KLF12: variants seen among roughly 807,000 people sequenced by gnomAD.
KLF12 encodes the protein KLF transcription factor 12.
In KLF12, 9 loss-of-function variants were observed where a neutral mutation model predicts 37.8. That is an observed-to-expected ratio of 0.24 (90% CI 0.14 to 0.42). KLF12 has a LOEUF of 0.42. KLF12 is among the 10% of genes least tolerant of loss of function. The pLI is 1.00. For synonymous variants in KLF12, 208 were observed against 202.1 expected, an observed-to-expected ratio of 1.03 and a Z score of -0.25; for missense variants, 411 against 516.0, an observed-to-expected ratio of 0.80 and a Z score of 1.97.
intron 1 of KLF12, among the ~76,000 whole-genome samples, chr13:74,018,680 A>G (rs1437232619): frequency 6.6e-6 from 1 of 152,202 alleles, no homozygotes; most frequent in Non-Finnish European, 1.5e-5. Flanking sequence ...TTTCTGCACA[A>G]TGAATTATTC....
At chr13:74,023,404 T>C (rs997645541) in intron 1 of KLF12, among the ~76,000 whole-genome samples, 2 of 152,226 alleles carry the variant, frequency 1.3e-5, no homozygotes, top group Admixed American at 6.5e-5. Context: ...AAGTAGCACA[T>C]GCCAGGTGGC....
chr13:73,923,019 A>T (rs1889192912), intron 3 of KLF12, among the ~76,000 whole-genome samples: 1 of 152,160 alleles, frequency 6.6e-6, no homozygotes, highest in South Asian at 2.1e-4. Context: ...TATTCTGTAC[A>T]AAAGATGTGG....
intron 5 of KLF12, among the ~76,000 whole-genome samples, chr13:73,797,433 A>T (rs1027762465): frequency 6.6e-6 from 1 of 152,182 alleles, no homozygotes; most frequent in African/African-American, 2.4e-5. Context: ...ACAAATCATA[A>T]ATCTTTTCCC....
At chr13:73,831,908 G>A (rs1884182482) in intron 4 of KLF12, among the ~76,000 whole-genome samples, 1 of 152,078 alleles carries the variant, frequency 6.6e-6, no homozygotes, top group Admixed American at 6.6e-5. Flanking sequence ...GACATTTTGG[G>A]GAACCCAAGT....
the KLF12 span, among the ~76,000 whole-genome samples, chr13:74,275,147 G>C: frequency 3.3e-5 from 5 of 152,182 alleles, no homozygotes; most frequent in Non-Finnish European, 7.3e-5. Context: ...CCACAAATAT[G>C]AAAGCCTTGT....
chr13:74,058,746 A>G (rs1445312617), intron 1 of KLF12, among the ~76,000 whole-genome samples: 2 of 152,202 alleles, frequency 1.3e-5, no homozygotes, highest in African/African-American at 4.8e-5. Context: ...GTATAAGATG[A>G]TCATGAATGA....
chr13:73,826,850 C>T (rs180810864), intron 4 of KLF12, among the ~76,000 whole-genome samples: 2 of 152,214 alleles, frequency 1.3e-5, no homozygotes, highest in East Asian at 3.9e-4. Flanking sequence ...GGCATGATCT[C>T]GGCTCACTGT....
At chr13:74,299,979 C>T in the KLF12 span, among the ~76,000 whole-genome samples, 77 of 152,082 alleles carry the variant, frequency 5.1e-4, no homozygotes, top group African/African-American at 1.7e-3. Context: ...TTTCACTTCT[C>T]TTTTTCCCAG....
Position 73,813,218 on chromosome 13 carries a change from T to C in KLF12, c.740A>G (p.Asn247Ser), listed in dbSNP as rs201686630. The C allele has an allele frequency of 6.2e-5, 100 of 1,614,076 alleles. No homozygotes were observed. In the East Asian group the frequency reaches 1.9e-3, roughly 31 times the overall value. ...TTCATTAACGCTATCTAAGGTCACA[T>C]TTGGCAGGTCATCATCATCACTGTC... The change falls in exon 5 of 8, where the codon AAT becomes AGT. Residue 247 changes from asparagine (N) to serine (S), a missense_variant. Physicochemically the swap from Asn to Ser is conservative, Grantham distance 46. This residue lies in a region of KLF12 where 351 missense variants were observed against 397.8 expected (regional missense o/e 0.88). Coordinates refer to ENST00000377669, the MANE Select transcript of KLF12 (RefSeq NM_007249.5).
intron 6 of KLF12, among the ~76,000 whole-genome samples, chr13:73,720,914 T>C (rs760123578): frequency 3.9e-5 from 6 of 152,178 alleles, no homozygotes; most frequent in Non-Finnish European, 7.3e-5. Context: ...CAGGACAATC[T>C]TTCAAGCCTG....
At chr13:73,869,829 G>GT (rs1317662101) in intron 3 of KLF12, among the ~76,000 whole-genome samples, 1 of 152,072 alleles carries the variant, frequency 6.6e-6, no homozygotes, top group Non-Finnish European at 1.5e-5. Context: ...CTTTCTAAAT[G>GT]TTAAGAGGTT....
intron 7 of KLF12, among the ~76,000 whole-genome samples, chr13:73,697,587 T>C (rs1874239397): frequency 6.6e-6 from 1 of 152,206 alleles, no homozygotes; most frequent in African/African-American, 2.4e-5. Flanking sequence ...ATGTCATCTC[T>C]ACATGTTTTT....
chr13:74,005,355 C>G (rs1892383675), intron 1 of KLF12, among the ~76,000 whole-genome samples: 1 of 152,116 alleles, frequency 6.6e-6, no homozygotes, highest in Non-Finnish European at 1.5e-5. Context: ...TGTACTAATT[C>G]TCCTTTACAT....
At chr13:73,888,222 G>A (rs1334850974) in intron 3 of KLF12, among the ~76,000 whole-genome samples, 3 of 151,960 alleles carry the variant, frequency 2.0e-5, no homozygotes, top group Non-Finnish European at 2.9e-5. Context: ...CAGGCTGGTC[G>A]TGAACTCCTG....
At chr13:74,125,144 C>CAAAAAA (rs71115643) in intron 1 of KLF12, among the ~76,000 whole-genome samples, 3,356 of 121,252 alleles carry the variant, frequency 0.028, 88 homozygotes, top group Non-Finnish European at 0.044. Context: ...GACTCCGTTT[C>CAAAAAA]AAAAAAAAAA....
At chr13:74,293,129 A>G in the KLF12 span, among the ~76,000 whole-genome samples, 14 of 152,306 alleles carry the variant, frequency 9.2e-5, no homozygotes, top group Admixed American at 9.1e-4. Context: ...GAAATATTTC[A>G]ATTTACCCAT....
chr13:74,232,362 C>A, the KLF12 span, among the ~76,000 whole-genome samples: 95 of 152,258 alleles, frequency 6.2e-4, no homozygotes, highest in African/African-American at 2.2e-3. Flanking sequence ...TGATCCTTTG[C>A]GGCTGACTCT....
intron 5 of KLF12, among the ~76,000 whole-genome samples, chr13:73,769,741 T>C (rs773652398): frequency 1.3e-5 from 2 of 152,156 alleles, no homozygotes; most frequent in Non-Finnish European, 2.9e-5. Flanking sequence ...CTTCTCAATT[T>C]CAAAAATGTT....
At chr13:73,838,083 GA>G (rs919110735) in intron 4 of KLF12, among the ~76,000 whole-genome samples, 7 of 152,186 alleles carry the variant, frequency 4.6e-5, no homozygotes, top group Non-Finnish European at 8.8e-5. Context: ...GAAAATTAGT[GA>G]AACAAAGAGA....
Sources: gnomAD v4.1 joint callset for allele counts (sites outside exome capture counted in the v4.1 genomes callset) on GRCh38, gnomAD v4.1.1 for gene constraint, gnomAD v4.1.1 regional missense constraint, MANE v1.5 for transcripts, NCBI Gene and HGNC (gene_info 2026-07-23, HGNC 2026-07-21) for gene names.